The following MOGAT3 variants were observed in gnomAD, a reference collection of about 807,000 sequenced individuals.
The protein encoded by MOGAT3 is monoacylglycerol O-acyltransferase 3.
A neutral mutation model predicts 34.4 loss-of-function variants in MOGAT3; 39 were observed. That is an observed-to-expected ratio of 1.13 (90% CI 0.88 to 1.48). The LOEUF (loss-of-function observed/expected upper bound fraction) is 1.48. Among genes scored for constraint, MOGAT3 ranks in the 40% most tolerant of loss-of-function variants. The probability of loss-of-function intolerance (pLI) is 0.00; values close to 1 mark genes in which losing one functional copy is unlikely to be tolerated. For synonymous variants in MOGAT3, 209 were observed against 179.2 expected (o/e 1.17, Z -1.33); for missense variants, 439 against 438.9 (o/e 1.00, Z 0.00).
At chr7:101,198,396 C>T in intron 4 of MOGAT3, 31 bp from the exon 5 acceptor site, 3 of 1,520,206 alleles carry the variant, frequency 2.0e-6, no homozygotes, top group Non-Finnish European at 2.6e-6. Context: ...AAAGTAGTTC[C>T]CATCTGCCTC....
At chr7:101,194,854 C>T (rs978423558), downstream of MOGAT3, among the ~76,000 whole-genome samples, 4 of 152,046 alleles carry the variant, frequency 2.6e-5, no homozygotes, top group South Asian at 2.1e-4. Flanking sequence ...ACCATTTCCC[C>T]GTCCTGTTAA....
rs1797850365 is a variant in MOGAT3 at position 101,198,237 on chromosome 7, T to C, written c.622A>G (p.Thr208Ala). 6.2e-7 allele frequency: 1 copy of C among 1,613,532 alleles called. No homozygotes were observed. Among genetic ancestry groups the C allele is most frequent in the African/African-American group, 1.3e-5 (1 of 74,942 alleles). Reference protein sequence around the residue: ...LYSVPGEHCLTLQKRKGFVRL... With the variant: ...LYSVPGEHCLALQKRKGFVRL... The stretch of plus-strand genomic sequence containing the variant: ...ACGAAGCCTTTGCGCTTCTGGAGCG[T>C]AAGGCAGTGCTCCCCGGGGACTGAA... Residue 208 changes from threonine (T) to alanine (A), a missense_variant, in exon 5 of 7, where the codon ACG becomes GCG. Physicochemically the swap from Thr to Ala is moderately conservative, Grantham distance 58. Transcript: ENST00000223114.
In MOGAT3 at chr7:101,195,881, G is replaced by A. The variant is rs749589489; in HGVS notation, c.*65C>T. On this transcript the variant is annotated 3_prime_UTR_variant, in exon 7 of 7. Transcript: ENST00000223114. ...AACTACCTTTTATTGGAGGCATGGA[G>A]TCCACAGTGGGTGGAGGTCTCAGTG... 8 of 1,547,298 alleles carry A rather than the reference G, an allele frequency of 5.2e-6. No individual in the cohort carries two copies. Among genetic ancestry groups the A allele is most frequent in the Non-Finnish European group, 7.1e-6 (8 of 1,122,752 alleles).
chr7:101,200,622 G>A, intron 1 of MOGAT3, 107 bp from the exon 2 acceptor site: 2 of 1,261,982 alleles, frequency 1.6e-6, no homozygotes, highest in Non-Finnish European at 1.1e-6. Flanking sequence ...CTCTCCTCTG[G>A]CCCTCTCCCA....
At chr7:101,196,430 G>A (rs776059880) in intron 5 of MOGAT3, 41 bp from the exon 6 acceptor site, 3 of 1,506,676 alleles carry the variant, frequency 2.0e-6, no homozygotes, top group Non-Finnish European at 2.7e-6. Flanking sequence ...CAGGCTGCTG[G>A]ACTGCTCCGA....
Position 101,198,608 on chromosome 7 carries a change from T to C in MOGAT3, c.493+18A>G, listed in dbSNP as rs1414802685. 9.3e-6 allele frequency: 15 copies of C among 1,609,758 alleles called. No homozygotes were observed. Among genetic ancestry groups the C allele is most frequent in the Non-Finnish European group, 1.2e-5 (14 of 1,178,520 alleles). The stretch of plus-strand genomic sequence containing the variant: ...GGTCAGGAGTCTCCTCCCGTTCTCC[T>C]CCTCCCATTCGGCTCACCAAAGGAC... On this transcript the variant is annotated intron_variant, in intron 4 of 6. Coordinates refer to ENST00000223114, the MANE Select transcript of MOGAT3 (RefSeq NM_178176.4).
At chr7:101,198,148 A>C (rs1797845709) in intron 5 of MOGAT3, 43 bp downstream of exon 5, 1 of 1,571,160 alleles carries the variant, frequency 6.4e-7, no homozygotes, top group Admixed American at 1.8e-5. Context: ...AGAGGGCATA[A>C]ACCAGCAGAG....
At chr7:101,200,034 A>C (rs1401183498) in intron 3 of MOGAT3, among the ~76,000 whole-genome samples, 200 bp downstream of exon 3, 3 of 151,698 alleles carry the variant, frequency 2.0e-5, no homozygotes, top group Non-Finnish European at 4.4e-5. Flanking sequence ...CGGAGGTTGC[A>C]ATGAGCTGAG....
At position 101,200,942 on chromosome 7, in the gene MOGAT3, C is replaced by T. The variant is rs1012695907; in HGVS notation, c.-88G>A. On this transcript the variant is annotated 5_prime_UTR_variant, in exon 1 of 7. Transcript: ENST00000223114. ...ATGTGGACCTGGGCAGACTTTCTCC[C>T]TACAGGAGCCCAGCTTTGGGGGCCT... 1 of 1,071,404 alleles carries T rather than the reference C, an allele frequency of 9.3e-7. No individual in the cohort carries two copies. Among genetic ancestry groups the T allele is most frequent in the Non-Finnish European group, 1.4e-6 (1 of 735,994 alleles). The allele number at this position is 1,071,404 out of a possible 1,614,324, so 66.4% of individuals were successfully genotyped here. A position where few individuals can be genotyped will look rare whatever the true frequency, so the allele number is the denominator to read the frequency against.
Position 101,200,467 on chromosome 7 carries a change from C to A in MOGAT3, c.158G>T (p.Trp53Leu). Reference protein sequence around the residue: ...LVFVLLFTSLWPFSVFYLVWL... With the variant: ...LVFVLLFTSLLPFSVFYLVWL... Reference sequence around the variant, plus strand: ...CACCAAGTAAAAAACAGAGAAGGGCCAGAGTGACGTGAAGAGGAGGACAAA... The same window carrying A: ...CACCAAGTAAAAAACAGAGAAGGGCAAGAGTGACGTGAAGAGGAGGACAAA... Residue 53 changes from tryptophan (W) to leucine (L), a missense_variant, in exon 2 of 7, where the codon TGG (tryptophan) becomes TTG (leucine). Transcript: ENST00000223114. 1 of 1,608,360 alleles carries A rather than the reference C, an allele frequency of 6.2e-7. No individual in the cohort carries two copies. The highest frequency in any genetic ancestry group is 1.1e-5 in the South Asian group (1 of 90,640).
intron 1 of MOGAT3, 61 bp from the exon 2 acceptor site, chr7:101,200,576 G>T: frequency 1.4e-6 from 2 of 1,417,054 alleles, no homozygotes; most frequent in Non-Finnish European, 1.9e-6. Flanking sequence ...CCCTCCAGCT[G>T]CTCCCTTCCC....
chr7:101,199,850 T>C (rs1234814372), intron 3 of MOGAT3, among the ~76,000 whole-genome samples: 2 of 150,884 alleles, frequency 1.3e-5, no homozygotes, highest in African/African-American at 2.4e-5. Context: ...TCCCAGCACT[T>C]TGGGAGGCCG....
At position 101,195,707 on chromosome 7, in the gene MOGAT3, A is replaced by G. The variant is rs1797758355; in HGVS notation, c.*239T>C. On this transcript the variant is annotated 3_prime_UTR_variant, in exon 7 of 7. Coordinates refer to ENST00000223114, the MANE Select transcript of MOGAT3 (RefSeq NM_178176.4). ...CAGGCACATGCCACCATGCCCGGCT[A>G]ATTAACAACATTATTTTTTAATTTT... 1 of 542,088 alleles carries G rather than the reference A, an allele frequency of 1.8e-6. No individual in the cohort carries two copies. The highest frequency in any genetic ancestry group is 3.3e-5 in the Admixed American group (1 of 29,942). 33.6% of individuals were successfully genotyped at this position (542,088 alleles called of 1,614,324 possible). A position where few individuals can be genotyped will look rare whatever the true frequency, so the allele number is the denominator to read the frequency against.
intron 4 of MOGAT3, 109 bp from the exon 5 acceptor site, chr7:101,198,474 A>G: frequency 2.2e-6 from 3 of 1,353,598 alleles, no homozygotes; most frequent in Non-Finnish European, 2.0e-6. Flanking sequence ...AAGGCGGGGA[A>G]CCTACCCAAA....
downstream of MOGAT3, among the ~76,000 whole-genome samples, chr7:101,193,476 C>T (rs1193033815): frequency 6.6e-6 from 1 of 152,198 alleles, no homozygotes; most frequent in Non-Finnish European, 1.5e-5. Flanking sequence ...GTCGCCCAGG[C>T]TGGAGTGCAG....
chr7:101,196,239 G>T lies in MOGAT3; in HGVS notation c.819C>A (p.Phe273Leu). Residue 273 changes from phenylalanine to leucine, a missense_variant, in exon 6 of 7, where the codon TTC (phenylalanine) becomes TTA (leucine). Transcript: ENST00000223114. ...GCAGCAGGCCCCAGGAGGTGGCTGA[G>T]AAGAGACCGCGACCCCAGAAGATGC... ...SPCIFWGRGL[F>L]SATSWGLLPF... 6.3e-7 allele frequency: 1 copy of T among 1,598,124 alleles called. No individual in the cohort carries two copies. The highest frequency in any genetic ancestry group is 1.3e-5 in the African/African-American group (1 of 74,828).
rs761420827 is a variant in MOGAT3, at chr7:101,200,737, A to C, written c.109+9T>G. The C allele has an allele frequency of 8.7e-6, 14 of 1,611,528 alleles. No homozygotes were observed. Among genetic ancestry groups the C allele is most frequent in the Non-Finnish European group, 1.2e-5 (14 of 1,178,122 alleles). ...AGACCCCAGGCACCCACGCCTCCCC[A>C]GCTCTCACCCATGAAGAGGAAAGTG... On this transcript the variant is annotated intron_variant, in intron 1 of 6. Transcript: ENST00000223114.
Position 101,196,178 on chromosome 7 carries a change from G to T in MOGAT3, c.871+9C>A, listed in dbSNP as rs1463693539. The T allele has an allele frequency of 7.6e-6, 12 of 1,571,534 alleles. No individual in the cohort carries two copies. Among genetic ancestry groups the T allele is most frequent in the Non-Finnish European group, 1.0e-5 (12 of 1,158,076 alleles). ...GCTGGTGGCCGTCCCCCCGGAGGTG[G>T]GCACTCACCCACAGTGGTGATGGGC... On this transcript the variant is annotated intron_variant, in intron 6 of 6. Coordinates refer to ENST00000223114, the MANE Select transcript of MOGAT3 (RefSeq NM_178176.4).
At chr7:101,200,139 G>A (rs1018902068) in intron 3 of MOGAT3, 95 bp downstream of exon 3, 51 of 1,018,968 alleles carry the variant, frequency 5.0e-5, no homozygotes, top group African/African-American at 2.7e-4. Flanking sequence ...CTTAGGCAGC[G>A]GGGAGCTCAG....
Sources: gnomAD v4.1 joint callset for allele counts (sites outside exome capture counted in the v4.1 genomes callset) on GRCh38, gnomAD v4.1.1 for gene constraint, MANE v1.5 for transcripts, NCBI Gene and HGNC (gene_info 2026-07-23, HGNC 2026-07-21) for gene names.